PTPN14: variants seen among roughly 807,000 people sequenced by gnomAD.
The protein encoded by PTPN14 is tyrosine-protein phosphatase non-receptor type 14.
PTPN14 carries 53 observed loss-of-function variants against 126.8 expected under a neutral mutation model. That is an observed-to-expected ratio of 0.42 (90% CI 0.34 to 0.53). The LOEUF (loss-of-function observed/expected upper bound fraction) is 0.53. PTPN14 is among the 20% of genes least tolerant of loss of function. The pLI is 0.08. For missense variants in PTPN14, 1,257 were observed against 1,552.9 expected (o/e 0.81, Z 3.20); for synonymous variants, 630 against 599.3 (o/e 1.05, Z -0.75).
intron 1 of PTPN14, among the ~76,000 whole-genome samples, chr1:214,518,892 T>A (rs1244434301): frequency 3.3e-5 from 5 of 152,240 alleles, no homozygotes; most frequent in Admixed American, 2.6e-4. Flanking sequence ...AATATCTGCC[T>A]TGTGTTCTGT....
intron 1 of PTPN14, among the ~76,000 whole-genome samples, chr1:214,504,271 T>C (rs1654778976): frequency 6.6e-6 from 1 of 152,060 alleles, no homozygotes; most frequent in Non-Finnish European, 1.5e-5. Context: ...AATCACCACA[T>C]AGCCAGATAG....
chr1:214,396,888 C>T (rs1331373097), intron 8 of PTPN14, among the ~76,000 whole-genome samples: 1 of 152,186 alleles, frequency 6.6e-6, no homozygotes, highest in Non-Finnish European at 1.5e-5. Context: ...TACAACTCTG[C>T]ACATATTTAC....
chr1:214,384,342 C>T lies in PTPN14; in HGVS notation c.1513G>A (p.Val505Ile), dbSNP rs12239356. 1 of 1,613,934 alleles carries T rather than the reference C, an allele frequency of 6.2e-7. No homozygotes were observed. The highest frequency in any genetic ancestry group is 1.7e-5 in the Admixed American group (1 of 60,000). The part of the protein sequence containing the change: ...PYTVPYGPQG[V>I]YSNKLVSPSD... ...GGACTGACAAGTTTGTTGCTGTAGA[C>T]CCCCTGTGGCCCATAAGGGACAGTG... The change falls in exon 13 of 19, where the codon GTC becomes ATC. Residue 505 changes from valine to isoleucine, a missense_variant. By Grantham distance (29) the Val-to-Ile change is conservative. Around this residue, in one of 3 missense-constraint regions of PTPN14, gnomAD observed 1,021 missense variants for 1,183.3 expected, o/e 0.86. Transcript: ENST00000366956. The surrounding 1 kb of genome is among the most constrained non-coding windows in gnomAD (Gnocchi z 5.3).
chr1:214,500,913 GT>G (rs1383139516), intron 1 of PTPN14, among the ~76,000 whole-genome samples: 2 of 152,120 alleles, frequency 1.3e-5, no homozygotes, highest in Admixed American at 1.3e-4. Flanking sequence ...TAGAGGAAAG[GT>G]TTAAAAACAT....
chr1:214,391,083 T>C, intron 10 of PTPN14, 38 bp from the exon 11 acceptor site: 1 of 1,465,290 alleles, frequency 6.8e-7, no homozygotes, highest in Admixed American at 1.8e-5. Flanking sequence ...TGGTTATTAT[T>C]ATTGATATAA....
chr1:214,451,460 G>A (rs947088247), intron 3 of PTPN14, among the ~76,000 whole-genome samples: 3 of 152,102 alleles, frequency 2.0e-5, no homozygotes, highest in Non-Finnish European at 2.9e-5. Context: ...GAGACACCAC[G>A]CCTGGCCAGG....
intron 1 of PTPN14, among the ~76,000 whole-genome samples, chr1:214,468,758 T>G (rs1256918083): frequency 6.6e-6 from 1 of 152,146 alleles, no homozygotes; most frequent in East Asian, 1.9e-4. Flanking sequence ...AAGGCAATCC[T>G]CAATGCCGAT....
intron 10 of PTPN14, 87 bp downstream of exon 10, chr1:214,393,608 T>C (rs1018783341): frequency 5.2e-5 from 56 of 1,069,760 alleles, no homozygotes; most frequent in Non-Finnish European, 7.7e-5. Flanking sequence ...AAAGAGTGAA[T>C]AGGAAAAGAG....
At chr1:214,550,456 C>T (rs1056269986) in intron 1 of PTPN14, among the ~76,000 whole-genome samples, 21 of 152,290 alleles carry the variant, frequency 1.4e-4, no homozygotes, top group Middle Eastern at 3.4e-3. Flanking sequence ...GAGATAGGGG[C>T]AGCGTTACCT....
intron 10 of PTPN14, among the ~76,000 whole-genome samples, chr1:214,393,058 T>G (rs1658795065): frequency 6.6e-6 from 1 of 152,072 alleles, no homozygotes; most frequent in Non-Finnish European, 1.5e-5. Context: ...AACGATAGAG[T>G]GAGCCCCAGC....
At chr1:214,485,758 C>T (rs139225549) in intron 1 of PTPN14, among the ~76,000 whole-genome samples, 1,717 of 151,978 alleles carry the variant, frequency 0.011, 31 homozygotes, top group African/African-American at 0.032. Context: ...CGGAGTCTCG[C>T]TCTGTCGCCC....
At chr1:214,464,482 T>A in intron 2 of PTPN14, 148 bp downstream of exon 2, 1 of 1,080,696 alleles carries the variant, frequency 9.3e-7, no homozygotes, top group Non-Finnish European at 1.3e-6. Flanking sequence ...GTGCTAAGAA[T>A]AACAGGATTC....
Position 214,507,864 on chromosome 1 carries a change from C to T in PTPN14, c.-154-42907G>A, listed in dbSNP as rs111342751. On this transcript the variant is annotated intron_variant, in intron 1 of 18. Coordinates refer to ENST00000366956, the MANE Select transcript of PTPN14 (RefSeq NM_005401.5). ...AATTTTAAAATGCTTTATTGTAGTC[C>T]CCACTACTCAGGAGGCTGAGGCGGA... 2.2e-3 allele frequency among the ~76,000 whole-genome samples: 328 copies of T among 152,090 alleles called. 3 individuals are homozygous for T. The highest frequency in any genetic ancestry group is 7.6e-3 in the African/African-American group (314 of 41,484).
intron 1 of PTPN14, among the ~76,000 whole-genome samples, chr1:214,467,514 A>C (rs1459952711): frequency 1.3e-5 from 2 of 152,206 alleles, no homozygotes; most frequent in Admixed American, 6.5e-5. Flanking sequence ...ATAACTAGTG[A>C]AATAAAAAGT....
intron 18 of PTPN14, among the ~76,000 whole-genome samples, chr1:214,362,676 T>C (rs1657983159): frequency 6.6e-6 from 1 of 151,464 alleles, no homozygotes; most frequent in South Asian, 2.1e-4. Context: ...GCTTCTTGAG[T>C]TGAAAAGGGG....
intron 1 of PTPN14, among the ~76,000 whole-genome samples, chr1:214,493,219 A>G (rs537344761): frequency 2.0e-5 from 3 of 152,206 alleles, no homozygotes; most frequent in Non-Finnish European, 4.4e-5. Context: ...CTGCAAGTGA[A>G]GCCAATGGTC....
chr1:214,505,027 T>C (rs1029688708), intron 1 of PTPN14, among the ~76,000 whole-genome samples: 7 of 152,012 alleles, frequency 4.6e-5, no homozygotes, highest in Non-Finnish European at 7.4e-5. Context: ...ATGAATTCTG[T>C]CTAAGAATTC....
intron 2 of PTPN14, among the ~76,000 whole-genome samples, chr1:214,457,098 A>C (rs1309285272): frequency 6.6e-6 from 1 of 152,232 alleles, no homozygotes; most frequent in African/African-American, 2.4e-5. Flanking sequence ...AATATTCTTC[A>C]TGTAAGTTAA....
chr1:214,439,171 A>C (rs1659983879), intron 3 of PTPN14, among the ~76,000 whole-genome samples: 1 of 152,148 alleles, frequency 6.6e-6, no homozygotes, highest in African/African-American at 2.4e-5. Context: ...GCTGATTCCA[A>C]CAATCATTCA....
Sources: gnomAD v4.1 joint callset for allele counts (sites outside exome capture counted in the v4.1 genomes callset) on GRCh38, gnomAD v4.1.1 for gene constraint, gnomAD v4.1.1 regional missense constraint, Gnocchi (gnomAD v3.1) non-coding constraint, MANE v1.5 for transcripts, NCBI Gene and HGNC (gene_info 2026-07-23, HGNC 2026-07-21) for gene names.